The following NRG3 variants were observed in gnomAD, a reference collection of about 807,000 sequenced individuals.
The protein encoded by NRG3 is pro-neuregulin-3, membrane-bound isoform.
Under a neutral mutation model 66.9 loss-of-function variants are expected in NRG3, and 31 were observed. That is an observed-to-expected ratio of 0.46 (90% CI 0.35 to 0.63). NRG3 has a LOEUF of 0.63. Among genes scored for constraint, NRG3 ranks in the 20% least tolerant of loss-of-function variants. The pLI, the probability that NRG3 is intolerant of heterozygous loss-of-function variation, is 0.00. For synonymous variants in NRG3, 393 were observed against 359.4 expected (o/e 1.09, Z -1.06); for missense variants, 910 against 878.9 (o/e 1.04, Z -0.45).
At chr10:82,543,879 G>A (rs1204846007) in intron 2 of NRG3, among the ~76,000 whole-genome samples, 1 of 152,150 alleles carries the variant, frequency 6.6e-6, no homozygotes, top group African/African-American at 2.4e-5. Flanking sequence ...CTTCAGTCAG[G>A]CAGTAAGATT....
At chr10:82,578,020 C>G (rs1305024961) in intron 2 of NRG3, among the ~76,000 whole-genome samples, 2 of 151,198 alleles carry the variant, frequency 1.3e-5, no homozygotes, top group East Asian at 4.0e-4. Context: ...GAGGTAGAAC[C>G]AATGTTACCA....
intron 1 of NRG3, among the ~76,000 whole-genome samples, chr10:82,325,151 A>T (rs1448045165): frequency 6.6e-6 from 1 of 151,666 alleles, no homozygotes; most frequent in African/African-American, 2.4e-5. Context: ...TCCCTTTATC[A>T]TTATGTAGTA....
chr10:82,773,901 T>A (rs1371405014), intron 3 of NRG3, among the ~76,000 whole-genome samples: 2 of 152,194 alleles, frequency 1.3e-5, no homozygotes, highest in Non-Finnish European at 2.9e-5. Flanking sequence ...CTGTTATGTG[T>A]TTTTATCAAG....
intron 1 of NRG3, among the ~76,000 whole-genome samples, chr10:82,066,477 A>T (rs1012669053): frequency 6.6e-6 from 1 of 152,138 alleles, no homozygotes; most frequent in Non-Finnish European, 1.5e-5. Context: ...ACTTATGGTT[A>T]ACTGATGCAG....
intron 2 of NRG3, among the ~76,000 whole-genome samples, chr10:82,469,646 C>A (rs561377596): frequency 6.6e-6 from 1 of 152,148 alleles, no homozygotes; most frequent in African/African-American, 2.4e-5. Flanking sequence ...GGAGAGCCAG[C>A]CTCTGAGTAC....
At chr10:81,955,896 C>T (rs539288276) in intron 1 of NRG3, among the ~76,000 whole-genome samples, 3 of 152,234 alleles carry the variant, frequency 2.0e-5, no homozygotes, top group South Asian at 2.1e-4. Context: ...TAATAGACAC[C>T]GTAAGCTTTT....
intron 4 of NRG3, among the ~76,000 whole-genome samples, chr10:82,943,211 T>A (rs192360046): frequency 6.6e-6 from 1 of 152,236 alleles, no homozygotes; most frequent in African/African-American, 2.4e-5. Flanking sequence ...TTGTTCGTGC[T>A]TATGTGTTTA....
intron 1 of NRG3, among the ~76,000 whole-genome samples, chr10:82,220,569 A>G (rs1038308954): frequency 6.6e-6 from 1 of 152,182 alleles, no homozygotes; most frequent in African/African-American, 2.4e-5. Flanking sequence ...GACATTGAGG[A>G]GAATCTGGAG....
At chr10:82,655,441 C>T (rs900835749) in intron 2 of NRG3, among the ~76,000 whole-genome samples, 9 of 152,088 alleles carry the variant, frequency 5.9e-5, no homozygotes, top group Non-Finnish European at 5.9e-5. Context: ...AAAATGCACA[C>T]TTCTTTTTTT....
At chr10:82,883,402 G>C (rs1040880037) in intron 4 of NRG3, among the ~76,000 whole-genome samples, 12 of 152,078 alleles carry the variant, frequency 7.9e-5, no homozygotes, top group African/African-American at 2.9e-4. Context: ...TGTCTGTATA[G>C]CACAATGTCA....
At chr10:82,750,041 A>T (rs1221691759) in intron 3 of NRG3, among the ~76,000 whole-genome samples, 3 of 152,178 alleles carry the variant, frequency 2.0e-5, no homozygotes, top group Non-Finnish European at 4.4e-5. Context: ...TCAGAGGAAA[A>T]CCATAATCAT....
chr10:82,814,435 A>G (rs1565344144), intron 3 of NRG3, among the ~76,000 whole-genome samples: 1 of 152,204 alleles, frequency 6.6e-6, no homozygotes, highest in Admixed American at 6.5e-5. Flanking sequence ...TGCACATTCT[A>G]AAACCCAGAG....
intron 1 of NRG3, among the ~76,000 whole-genome samples, chr10:82,037,905 C>G (rs1338539320): frequency 2.0e-5 from 3 of 151,656 alleles, no homozygotes; most frequent in Non-Finnish European, 2.9e-5. Context: ...AGGGTTGGGT[C>G]TCTGTGGCAT....
In NRG3 at chr10:82,275,415, A is replaced by G. The variant is rs146582074; in HGVS notation, c.824-83324A>G. ...TTAGTTCTTTGATATTGGAATATGAATTTTCTAGAAGGGTCAAGGCACTTA... is the reference window on the plus strand; with the variant it reads ...TTAGTTCTTTGATATTGGAATATGAGTTTTCTAGAAGGGTCAAGGCACTTA... On this transcript the variant is annotated intron_variant, in intron 1 of 8. Transcript: ENST00000372141. Among the ~76,000 whole-genome samples the G allele has an allele frequency of 1.6e-4, 24 of 152,080 alleles. No individual in the cohort carries two copies. The East Asian group carries it at 4.1e-3, about 26-fold the overall frequency.
intron 1 of NRG3, among the ~76,000 whole-genome samples, chr10:82,227,914 T>TA (rs1414106959): frequency 6.6e-6 from 1 of 152,148 alleles, no homozygotes; most frequent in Non-Finnish European, 1.5e-5. Context: ...TCAAGGGACT[T>TA]ACCACTTAAT....
intron 2 of NRG3, among the ~76,000 whole-genome samples, chr10:82,531,504 G>T (rs889901226): frequency 2.6e-5 from 4 of 151,598 alleles, no homozygotes; most frequent in African/African-American, 9.7e-5. Context: ...TTTTTGAATA[G>T]AAATATTTTA....
intron 1 of NRG3, among the ~76,000 whole-genome samples, chr10:81,944,724 G>C (rs1163040176): frequency 6.6e-6 from 1 of 152,112 alleles, no homozygotes; most frequent in Non-Finnish European, 1.5e-5. Context: ...GAGTCAGAGG[G>C]AGTCAATTTG....
chr10:81,963,660 C>T (rs899084247), intron 1 of NRG3, among the ~76,000 whole-genome samples: 1 of 152,118 alleles, frequency 6.6e-6, no homozygotes, highest in African/African-American at 2.4e-5. Flanking sequence ...TCCACGTCCC[C>T]GCTTGGACTG....
At chr10:82,894,312 T>C (rs1843442610) in intron 4 of NRG3, among the ~76,000 whole-genome samples, 1 of 152,198 alleles carries the variant, frequency 6.6e-6, no homozygotes, top group Non-Finnish European at 1.5e-5. Context: ...ATCATTTTGA[T>C]AGTAACAAAA....
Sources: allele counts gnomAD v4.1 joint callset (sites outside exome capture counted in the v4.1 genomes callset), GRCh38; gene constraint gnomAD v4.1.1; transcripts MANE v1.5; gene names NCBI Gene and HGNC (gene_info 2026-07-23, HGNC 2026-07-21).